Variants in LRRTM4 observed in about 807,000 individuals in gnomAD.
LRRTM4 encodes leucine-rich repeat transmembrane neuronal protein 4.
In LRRTM4, 25 loss-of-function variants were observed where a neutral mutation model predicts 47.6. That is an observed-to-expected ratio of 0.53 (90% CI 0.38 to 0.73). LRRTM4 has a LOEUF of 0.73. LRRTM4 is among the 30% of genes least tolerant of loss of function. The pLI is 0.00. For synonymous variants in LRRTM4, 311 were observed against 269.5 expected (o/e 1.15, Z -1.51); for missense variants, 638 against 713.4 (o/e 0.89, Z 1.20).
At chr2:77,208,569 T>C (rs1012825077) in intron 3 of LRRTM4, among the ~76,000 whole-genome samples, 1 of 152,112 alleles carries the variant, frequency 6.6e-6, no homozygotes, top group Non-Finnish European at 1.5e-5. Context: ...GTCACACATA[T>C]ATATGTGTAA....
At chr2:77,228,978 T>C (rs906922145) in intron 3 of LRRTM4, among the ~76,000 whole-genome samples, 2 of 152,024 alleles carry the variant, frequency 1.3e-5, no homozygotes, top group Non-Finnish European at 2.9e-5. Flanking sequence ...AATCACAAAC[T>C]ATCCAGAAAA....
intron 3 of LRRTM4, among the ~76,000 whole-genome samples, chr2:76,879,299 ACT>A (rs1308161924): frequency 1.3e-5 from 2 of 152,120 alleles, no homozygotes; most frequent in East Asian, 3.9e-4. Context: ...GGAAAGGGTG[ACT>A]CTCTTGTTAG....
At chr2:76,998,697 C>T (rs1677295675) in intron 3 of LRRTM4, among the ~76,000 whole-genome samples, 1 of 151,570 alleles carries the variant, frequency 6.6e-6, no homozygotes, top group East Asian at 1.9e-4. Flanking sequence ...AAACAAAAAA[C>T]ACAATGTGAC....
intron 3 of LRRTM4, among the ~76,000 whole-genome samples, chr2:77,006,654 G>C (rs1410778051): frequency 1.3e-5 from 2 of 152,106 alleles, no homozygotes; most frequent in African/African-American, 4.8e-5. Context: ...CAAGCGGAGA[G>C]ATTCTAGACT....
rs368389698 is a variant in LRRTM4, at chr2:76,858,444, T to C, written c.1552-109528A>G. Among the ~76,000 whole-genome samples, 9 of 152,164 alleles carry C rather than the reference T, an allele frequency of 5.9e-5. 1 individual carries two copies. The East Asian group carries it at 9.6e-4, about 16-fold the overall frequency. ...ACTATCTCACAGGTTCTCCTGCTTC[T>C]TGGGCTTTTGGATTCAGATTGGAAC... On this transcript the variant is annotated intron_variant, in intron 3 of 3. Coordinates refer to ENST00000409884, the MANE Select transcript of LRRTM4 (RefSeq NM_001134745.3).
chr2:76,986,672 T>A (rs533189972), intron 3 of LRRTM4, among the ~76,000 whole-genome samples: 128 of 151,854 alleles, frequency 8.4e-4, no homozygotes, highest in Non-Finnish European at 1.5e-3. Context: ...ATAAGTTTGG[T>A]TGAAAAGAAA....
chr2:77,370,778 T>C (rs1305169639), intron 3 of LRRTM4, among the ~76,000 whole-genome samples: 1 of 151,742 alleles, frequency 6.6e-6, no homozygotes, highest in African/African-American at 2.4e-5. Flanking sequence ...TCAGAGGATT[T>C]ATTATTATTA....
intron 3 of LRRTM4, among the ~76,000 whole-genome samples, chr2:77,417,119 C>G (rs183232936): frequency 6.6e-6 from 1 of 152,206 alleles, no homozygotes; most frequent in Non-Finnish European, 1.5e-5. Flanking sequence ...GACATTTATG[C>G]AGACAAAAGA....
intron 3 of LRRTM4, among the ~76,000 whole-genome samples, chr2:76,784,674 A>T (rs567854801): frequency 6.6e-6 from 1 of 152,096 alleles, no homozygotes; most frequent in Non-Finnish European, 1.5e-5. Context: ...TATTTCATGC[A>T]TGAATAGCTT....
intron 3 of LRRTM4, among the ~76,000 whole-genome samples, chr2:77,129,788 T>TC (rs1671747059): frequency 6.6e-6 from 1 of 152,148 alleles, no homozygotes; most frequent in Non-Finnish European, 1.5e-5. Flanking sequence ...ACAATCTGTT[T>TC]CCCTAAATTT....
At chr2:76,872,299 T>G (rs978349126) in intron 3 of LRRTM4, among the ~76,000 whole-genome samples, 68 of 152,154 alleles carry the variant, frequency 4.5e-4, no homozygotes, top group African/African-American at 1.6e-3. Flanking sequence ...TATTGCAACA[T>G]TGAACCAGTA....
intron 3 of LRRTM4, among the ~76,000 whole-genome samples, chr2:76,921,719 T>C (rs1055802616): frequency 6.6e-6 from 1 of 152,110 alleles, no homozygotes; most frequent in African/African-American, 2.4e-5. Context: ...TTGGCTCCTA[T>C]ATCCCTTTAA....
At chr2:77,255,503 T>G (rs1007968973) in intron 3 of LRRTM4, among the ~76,000 whole-genome samples, 1 of 152,018 alleles carries the variant, frequency 6.6e-6, no homozygotes, top group Admixed American at 6.6e-5. Context: ...ATGTATCAAA[T>G]AGATTGTATC....
intron 3 of LRRTM4, among the ~76,000 whole-genome samples, chr2:77,072,070 A>T (rs1487416348): frequency 6.6e-6 from 1 of 152,180 alleles, no homozygotes; most frequent in Non-Finnish European, 1.5e-5. Flanking sequence ...AATATACATT[A>T]TTAATACATT....
At chr2:76,903,859 T>C (rs777867571) in intron 3 of LRRTM4, among the ~76,000 whole-genome samples, 1 of 152,064 alleles carries the variant, frequency 6.6e-6, no homozygotes, top group Non-Finnish European at 1.5e-5. Flanking sequence ...TTCTCAATTA[T>C]GTATATTTTT....
intron 3 of LRRTM4, among the ~76,000 whole-genome samples, chr2:76,816,488 C>G (rs1670898484): frequency 6.6e-6 from 1 of 152,052 alleles, no homozygotes; most frequent in South Asian, 2.1e-4. Flanking sequence ...AGCAGATATT[C>G]ACACCTATCA....
intron 3 of LRRTM4, among the ~76,000 whole-genome samples, chr2:76,807,084 A>G (rs945096218): frequency 6.6e-6 from 1 of 152,018 alleles, no homozygotes; most frequent in Admixed American, 6.6e-5. Flanking sequence ...TTCTACATTC[A>G]TGGGTGTGTG....
intron 3 of LRRTM4, among the ~76,000 whole-genome samples, chr2:77,217,144 C>G (rs1397260808): frequency 6.6e-6 from 1 of 150,802 alleles, no homozygotes. Flanking sequence ...GAACTGGTAC[C>G]CAGGCACTTA....
At chr2:77,137,819 G>T (rs546596669) in intron 3 of LRRTM4, among the ~76,000 whole-genome samples, 75 of 152,170 alleles carry the variant, frequency 4.9e-4, no homozygotes, top group African/African-American at 1.7e-3. Context: ...GGCAGGATTT[G>T]CAATCCTAGT....
Sources: gnomAD v4.1 joint callset for allele counts (sites outside exome capture counted in the v4.1 genomes callset) on GRCh38, gnomAD v4.1.1 for gene constraint, MANE v1.5 for transcripts, NCBI Gene and HGNC (gene_info 2026-07-23, HGNC 2026-07-21) for gene names.